The following GLP2R variants were observed in gnomAD, a reference collection of about 807,000 sequenced individuals.
GLP2R encodes glucagon-like peptide 2 receptor.
GLP2R carries 59 observed loss-of-function variants against 68.2 expected under a neutral mutation model. The observed-to-expected ratio is 0.87, with a 90% CI of 0.70 to 1.07. The LOEUF (loss-of-function observed/expected upper bound fraction) is 1.07, where lower values mean the gene tolerates loss of function less well. Ranked by LOEUF, GLP2R falls within the 50% of genes least tolerant of loss-of-function variation. GLP2R has a pLI of 0.00. For synonymous variants in GLP2R, 270 were observed against 265.4 expected (o/e 1.02, Z -0.17); for missense variants, 548 against 677.4 (o/e 0.81, Z 2.12).
intron 5 of GLP2R, 100 bp from the exon 6 acceptor site, chr17:9,857,323 C>G (rs558647980): frequency 3.9e-5 from 40 of 1,026,218 alleles, no homozygotes; most frequent in Non-Finnish European, 5.3e-5. Context: ...TACTATGACC[C>G]TCTGTCTTTA....
rs2152046622 is a variant in GLP2R at position 9,877,128 on chromosome 17, A to G, written c.1146-3250A>G. ...TTCCTGTGTCCTGCTGCCTTTGACT[A>G]CAACTCCTTCTTTCCCACTATATTC... On this transcript the variant is annotated intron_variant, in intron 10 of 12. Coordinates refer to ENST00000262441, the MANE Select transcript of GLP2R (RefSeq NM_004246.3). Among the ~76,000 whole-genome samples the G allele has an allele frequency of 1.3e-5, 2 of 152,366 alleles. 1 individual carries two copies. Among genetic ancestry groups the G allele is most frequent in the South Asian group, 4.1e-4 (2 of 4,834 alleles).
intron 3 of GLP2R, among the ~76,000 whole-genome samples, chr17:9,839,809 A>T (rs1016996855): frequency 5.9e-5 from 9 of 151,920 alleles, no homozygotes; most frequent in Non-Finnish European, 5.9e-5. Flanking sequence ...AGCTCTTGCC[A>T]CTCAGTACCT....
intron 4 of GLP2R, 127 bp downstream of exon 4, chr17:9,842,743 C>T (rs2152033921): frequency 9.9e-7 from 1 of 1,008,790 alleles, no homozygotes; most frequent in Non-Finnish European, 1.4e-6. Context: ...CCCGGGGAAG[C>T]TAAGGAAGGT....
chr17:9,828,779 C>T (rs994040271), intron 1 of GLP2R, among the ~76,000 whole-genome samples: 22 of 152,092 alleles, frequency 1.4e-4, no homozygotes, highest in Admixed American at 3.9e-4. Flanking sequence ...AGCCTCGGGC[C>T]GGCTTACCAG....
At position 9,888,125 on chromosome 17, in the gene GLP2R, A is replaced by G; in HGVS notation, c.1326+152A>G. 3 of 757,448 alleles carry G rather than the reference A, an allele frequency of 4.0e-6. No individual in the cohort carries two copies. In the East Asian group the frequency reaches 7.3e-5, roughly 19 times the overall value. 46.9% of individuals were successfully genotyped at this position (757,448 alleles called of 1,614,324 possible). Reference sequence around the variant, plus strand: ...CAAATTTGTATTGTGAGCTTCCGGTACAGAGAGCAGGAGGCAGCTTAGACA... The same window carrying G: ...CAAATTTGTATTGTGAGCTTCCGGTGCAGAGAGCAGGAGGCAGCTTAGACA... On this transcript the variant is annotated intron_variant, in intron 12 of 12. Coordinates refer to ENST00000262441, the MANE Select transcript of GLP2R (RefSeq NM_004246.3).
chr17:9,888,066 C>G, intron 12 of GLP2R, 93 bp downstream of exon 12: 3 of 877,876 alleles, frequency 3.4e-6, no homozygotes, highest in African/African-American at 1.6e-5. Flanking sequence ...GATGATGCTA[C>G]GGGAGAATGT....
chr17:9,843,038 C>A (rs570027414), intron 4 of GLP2R, among the ~76,000 whole-genome samples: 1 of 151,698 alleles, frequency 6.6e-6, no homozygotes, highest in Admixed American at 6.6e-5. Flanking sequence ...CACCACCCCC[C>A]ACTTCGACTC....
intron 6 of GLP2R, among the ~76,000 whole-genome samples, chr17:9,857,818 C>A (rs547321252): frequency 5.3e-5 from 8 of 152,328 alleles, no homozygotes; most frequent in African/African-American, 1.4e-4. Context: ...GTGGGAATTT[C>A]TTCATGTGCA....
chr17:9,853,274 CG>C, intron 4 of GLP2R: 2 of 278,792 alleles, frequency 7.2e-6, no homozygotes, highest in South Asian at 5.0e-5. Flanking sequence ...CTGGGGCCTC[CG>C]GGGGCTCATG....
rs1439644358 is a variant in GLP2R at position 9,892,062 on chromosome 17, G to A, written c.*2357G>A. The A allele has an allele frequency of 6.6e-6, 1 of 152,210 alleles. No homozygotes were observed. The highest frequency in any genetic ancestry group is 1.5e-5 in the Non-Finnish European group (1 of 68,038). The allele number at this position is 152,210 out of a possible 1,614,324, so 9.4% of individuals were successfully genotyped here. ...ATGGGGTGATCAACACTTACTGCTT[G>A]CTCTTGTTCTGCTAATGATTAAAAC... On this transcript the variant is annotated 3_prime_UTR_variant, in exon 13 of 13. Coordinates refer to ENST00000262441, the MANE Select transcript of GLP2R (RefSeq NM_004246.3).
At chr17:9,833,262 T>TA (rs11406813) in intron 1 of GLP2R, among the ~76,000 whole-genome samples, 4,609 of 140,752 alleles carry the variant, frequency 0.033, 170 homozygotes, top group African/African-American at 0.098. Context: ...GACTCTGTCT[T>TA]AAAAAAAAAA....
chr17:9,862,409 A>G (rs1336590876), intron 9 of GLP2R, among the ~76,000 whole-genome samples: 2 of 152,220 alleles, frequency 1.3e-5, no homozygotes, highest in African/African-American at 4.8e-5. Flanking sequence ...GTCATGGAGG[A>G]ACCCAGAATA....
intron 5 of GLP2R, among the ~76,000 whole-genome samples, chr17:9,855,594 A>T (rs1448283959): frequency 6.6e-6 from 1 of 152,242 alleles, no homozygotes; most frequent in Non-Finnish European, 1.5e-5. Context: ...ATTAGCTATC[A>T]AATTTAAGTG....
At chr17:9,857,778 G>A (rs535331789) in intron 6 of GLP2R, among the ~76,000 whole-genome samples, 1 of 152,248 alleles carries the variant, frequency 6.6e-6, no homozygotes, top group South Asian at 2.1e-4. Flanking sequence ...CAAAACAGAA[G>A]GGTTCACCAT....
chr17:9,830,755 C>T (rs953511651), intron 1 of GLP2R, among the ~76,000 whole-genome samples: 1 of 152,134 alleles, frequency 6.6e-6, no homozygotes. Context: ...AACATTAGAT[C>T]TCACCCCCTC....
chr17:9,877,706 T>A (rs1207891182), intron 10 of GLP2R, among the ~76,000 whole-genome samples: 1 of 151,568 alleles, frequency 6.6e-6, no homozygotes, highest in Non-Finnish European at 1.5e-5. Context: ...TGAAATCCCG[T>A]CTCTACTAAA....
intron 5 of GLP2R, 29 bp downstream of exon 5, chr17:9,854,630 C>A: frequency 7.7e-7 from 1 of 1,301,816 alleles, no homozygotes; most frequent in South Asian, 1.2e-5. Flanking sequence ...GGCATGTGTT[C>A]GGGCAGGTAT....
chr17:9,870,901 G>A (rs762389519), intron 10 of GLP2R, 66 bp downstream of exon 10: 137 of 793,720 alleles, frequency 1.7e-4, no homozygotes, highest in Non-Finnish European at 2.1e-4. Flanking sequence ...TGTTCTGCCC[G>A]CTGTCTTGGG....
intron 11 of GLP2R, among the ~76,000 whole-genome samples, chr17:9,882,504 A>T (rs1430387478): frequency 2.6e-5 from 4 of 152,236 alleles, no homozygotes; most frequent in Non-Finnish European, 4.4e-5. Context: ...CAGAAAGGAC[A>T]TTCACACATT....
Sources: gnomAD v4.1 joint callset for allele counts (sites outside exome capture counted in the v4.1 genomes callset) on GRCh38, gnomAD v4.1.1 for gene constraint, MANE v1.5 for transcripts, NCBI Gene and HGNC (gene_info 2026-07-23, HGNC 2026-07-21) for gene names.